The following CPLANE1 variants were observed in gnomAD, a reference collection of about 807,000 sequenced individuals.
CPLANE1 encodes the protein ciliogenesis and planar polarity effector complex subunit 1, also known as ciliogenesis and planar polarity effector 1.
CPLANE1 carries 263 observed loss-of-function variants against 362.5 expected under a neutral mutation model. That is an observed-to-expected ratio of 0.73 (90% confidence interval 0.66 to 0.80). The LOEUF is 0.80. Ranked by LOEUF, CPLANE1 falls within the 30% of genes least tolerant of loss-of-function variation. The probability of loss-of-function intolerance (pLI) is 0.00; values close to 1 mark genes in which losing one functional copy is unlikely to be tolerated. For missense variants in CPLANE1, 3,461 were observed against 3,793.4 expected, an observed-to-expected ratio of 0.91 and a Z score of 2.30; for synonymous variants, 1,212 against 1,302.6, an observed-to-expected ratio of 0.93 and a Z score of 1.50.
intron 46 of CPLANE1, among the ~76,000 whole-genome samples, chr5:37,133,514 G>GTA (rs1217893227): frequency 6.6e-6 from 1 of 151,910 alleles, no homozygotes; most frequent in Non-Finnish European, 1.5e-5. Context: ...GTGTGTGTGT[G>GTA]TGTGTGTATG....
In CPLANE1 at chr5:37,186,300, T is replaced by C. The variant is rs753392667; in HGVS notation, c.4175A>G (p.His1392Arg). 30 of 1,508,328 alleles carry C rather than the reference T, an allele frequency of 2.0e-5. No individual in the cohort carries two copies. The highest frequency in any genetic ancestry group is 1.7e-4 in the Middle Eastern group (1 of 5,892). 93.4% of individuals were successfully genotyped at this position (1,508,328 alleles called of 1,614,324 possible). A position where few individuals can be genotyped will look rare whatever the true frequency, so the allele number is the denominator to read the frequency against. The change falls in exon 24 of 53, where the codon CAC (histidine) becomes CGC (arginine). Residue 1392 changes from histidine (H) to arginine (R), a missense_variant. Physicochemically the swap from His to Arg is conservative, Grantham distance 29 (BLOSUM62 0). Coordinates refer to ENST00000651892, the MANE Select transcript of CPLANE1 (RefSeq NM_001384732.1). ...KYHSLHQRLR[H>R]CVVKGPQTEE... ...ACAAATAATACCTTTCACAACACAG[T>C]GTCTGAGTCTCTGGTGAAGAGAGTG...
At chr5:37,076,330 GT>G in the CPLANE1 span, among the ~76,000 whole-genome samples, 1 of 150,480 alleles carries the variant, frequency 6.6e-6, no homozygotes, top group East Asian at 1.9e-4. Flanking sequence ...TTTTTCTTTT[GT>G]TTTTGTTTTT....
At position 37,213,592 on chromosome 5, in the gene CPLANE1, C is replaced by A; in HGVS notation, c.2887G>T (p.Val963Leu). 1 of 1,546,972 alleles carries A rather than the reference C, an allele frequency of 6.5e-7. No homozygotes were observed. The highest frequency in any genetic ancestry group is 8.7e-7 in the Non-Finnish European group (1 of 1,144,156). ...ATATGAAGTGGGGGAAGAACATTCA[C>A]ATGATGAGGGGGCAAAATGCAAAGC... The part of the protein sequence containing the change: ...QQLCILPPHH[V>L]NVLPPLHIKT... Residue 963 changes from valine to leucine, a missense_variant, in exon 16 of 53, where the codon GTG becomes TTG. By Grantham distance (32) the Val-to-Leu change is conservative. This residue lies in a region of CPLANE1 where 3,380 missense variants were observed against 3,666.1 expected (regional missense o/e 0.92). Coordinates refer to ENST00000651892, the MANE Select transcript of CPLANE1 (RefSeq NM_001384732.1).
At chr5:37,168,507 A>T (rs1317125202) in intron 34 of CPLANE1, among the ~76,000 whole-genome samples, 4 of 151,406 alleles carry the variant, frequency 2.6e-5, no homozygotes, top group Non-Finnish European at 4.4e-5. Context: ...AAAATACACA[A>T]TTTTTTTTTA....
chr5:37,177,196 G>T (rs745582702), intron 30 of CPLANE1, among the ~76,000 whole-genome samples: 5 of 152,192 alleles, frequency 3.3e-5, no homozygotes, highest in Non-Finnish European at 7.3e-5. Context: ...GGCAGTGTAT[G>T]TGTACATCAT....
At chr5:37,210,677 A>G in intron 16 of CPLANE1, 1 of 1,566,972 alleles carries the variant, frequency 6.4e-7, no homozygotes, top group Non-Finnish European at 8.8e-7. Context: ...GTGACTATTC[A>G]CTACTAAAAG....
Position 37,108,458 on chromosome 5 carries a change from C to T in CPLANE1, c.9414G>A (p.Pro3138=), listed in dbSNP as rs377707922. ...PVTFQKGSNA[P]CHSLQHTKKH... ...TTTTTGTATGCTGCAGACTATGACACGGAGCATTAGAGCCTTTTAAGGGAT... is the reference window on the plus strand; with the variant it reads ...TTTTTGTATGCTGCAGACTATGACATGGAGCATTAGAGCCTTTTAAGGGAT... The change falls in exon 52 of 53, where the codon CCG becomes CCA. Residue 3138 remains proline (P), a synonymous_variant. Transcript: ENST00000651892. 1.8e-4 allele frequency: 286 copies of T among 1,613,626 alleles called. No individual in the cohort carries two copies. Among genetic ancestry groups the T allele is most frequent in the African/African-American group, 2.8e-4 (21 of 74,896 alleles).
the CPLANE1 span, among the ~76,000 whole-genome samples, chr5:37,076,397 C>T: frequency 1.6e-3 from 248 of 152,004 alleles, 3 homozygotes; most frequent in Non-Finnish European, 2.5e-4. Context: ...CCGCAACCTT[C>T]GCCTCCCAGA....
In CPLANE1 at chr5:37,231,287, C is replaced by T. The variant is rs113546700; in HGVS notation, c.939-238G>A. Among the ~76,000 whole-genome samples, 6,045 of 152,188 alleles carry T rather than the reference C, an allele frequency of 0.04. 155 individuals carry two copies. The highest frequency in any genetic ancestry group is 0.064 in the Non-Finnish European group (4,322 of 68,000). On this transcript the variant is annotated intron_variant, in intron 8 of 52. Transcript: ENST00000651892. Reference sequence around the variant, plus strand: ...TAGAAATTCATAAGCAATTAAAAAACGAAAATATTCGGCCAGGCACCGTGG... The same window carrying T: ...TAGAAATTCATAAGCAATTAAAAAATGAAAATATTCGGCCAGGCACCGTGG...
chr5:37,212,265 G>C (rs1792818834), intron 16 of CPLANE1: 44 of 1,345,760 alleles, frequency 3.3e-5, no homozygotes, highest in Non-Finnish European at 4.3e-5. Flanking sequence ...GGAGTCGGCA[G>C]ATAAGAGCTC....
At chr5:37,114,817 T>C (rs1202145215) in intron 51 of CPLANE1, 143 bp downstream of exon 51, 3 of 574,582 alleles carry the variant, frequency 5.2e-6, no homozygotes, top group Non-Finnish European at 9.2e-6. Context: ...GGAGAATCAC[T>C]TGAACCCGGG....
At chr5:37,099,342 G>T in the CPLANE1 span, among the ~76,000 whole-genome samples, 1 of 152,244 alleles carries the variant, frequency 6.6e-6, no homozygotes, top group Non-Finnish European at 1.5e-5. Context: ...GCCGCAATGT[G>T]TCCATGTGTT....
At chr5:37,208,796 C>G (rs1791655983) in intron 16 of CPLANE1, among the ~76,000 whole-genome samples, 1 of 148,942 alleles carries the variant, frequency 6.7e-6, no homozygotes. Context: ...TTTTAATTCT[C>G]TCCATAACAG....
chr5:37,218,182 T>C (rs1794561369), intron 15 of CPLANE1, among the ~76,000 whole-genome samples: 1 of 152,130 alleles, frequency 6.6e-6, no homozygotes, highest in Admixed American at 6.6e-5. Context: ...CCCTAACTGA[T>C]AAGAAGAGCT....
chr5:37,247,650 T>C lies in CPLANE1; in HGVS notation c.49A>G (p.Lys17Glu). Residue 17 changes from lysine to glutamate, a missense_variant, in exon 2 of 53, where the codon AAA becomes GAA. By Grantham distance (56) the Lys-to-Glu change is moderately conservative (BLOSUM62 1). Coordinates refer to ENST00000651892, the MANE Select transcript of CPLANE1 (RefSeq NM_001384732.1). Reference sequence around the variant, plus strand: ...AACCAGGAGACACGTGGCCATGGTTTTTTCTGCTTAATACCTGTTGATGTC... The same window carrying C: ...AACCAGGAGACACGTGGCCATGGTTCTTTCTGCTTAATACCTGTTGATGTC... ...ILTSTGIKQK[K>E]PWPRVSWLGK... 1 of 1,551,508 alleles carries C rather than the reference T, an allele frequency of 6.4e-7. No homozygotes were observed. The highest frequency in any genetic ancestry group is 8.7e-7 in the Non-Finnish European group (1 of 1,146,652).
rs182970901 is a variant in CPLANE1 at position 37,234,862 on chromosome 5, T to A, written c.939-3813A>T. The stretch of plus-strand genomic sequence containing the variant: ...TCCTCTAGGTTTTGTAGTTTGTGAG[T>A]GTATTATTTCATAATAGTCTTAATA... On this transcript the variant is annotated intron_variant, in intron 8 of 52. Coordinates refer to ENST00000651892, the MANE Select transcript of CPLANE1 (RefSeq NM_001384732.1). 7.2e-5 allele frequency among the ~76,000 whole-genome samples: 11 copies of A among 152,304 alleles called. No homozygotes were observed. The East Asian group carries it at 1.9e-3, about 27-fold the overall frequency.
intron 15 of CPLANE1, among the ~76,000 whole-genome samples, chr5:37,219,928 C>T (rs910757877): frequency 7.2e-5 from 11 of 152,038 alleles, no homozygotes; most frequent in African/African-American, 2.4e-4. Flanking sequence ...GTATTACTTC[C>T]TTAATGAACA....
chr5:37,104,586 T>C (rs1266959745), downstream of CPLANE1, among the ~76,000 whole-genome samples: 1 of 120,624 alleles, frequency 8.3e-6, no homozygotes, highest in East Asian at 2.5e-4. Context: ...GGTGACAGAG[T>C]GAAACTCTGT....
chr5:37,085,834 C>G, the CPLANE1 span: 1 of 1,329,602 alleles, frequency 7.5e-7, no homozygotes, highest in East Asian at 2.3e-5. Context: ...GACTGGGGGC[C>G]AAACAGAGCA....
Sources: allele counts gnomAD v4.1 joint callset (sites outside exome capture counted in the v4.1 genomes callset), GRCh38; gene constraint gnomAD v4.1.1; regional missense constraint gnomAD v4.1.1; transcripts MANE v1.5; gene names NCBI Gene and HGNC (gene_info 2026-07-23, HGNC 2026-07-21).